The following PCDH15 variants were observed in gnomAD, a reference collection of about 807,000 sequenced individuals.
The protein encoded by PCDH15 is protocadherin related 15.
A neutral mutation model predicts 178.5 loss-of-function variants in PCDH15; 129 were observed. The observed-to-expected ratio is 0.72, with a 90% CI of 0.63 to 0.84. The LOEUF is 0.84. PCDH15 is among the 40% of genes least tolerant of loss of function. The pLI, the probability that PCDH15 is intolerant of heterozygous loss-of-function variation, is 0.00. For synonymous variants in PCDH15, 800 were observed against 732.0 expected (o/e 1.09, Z -1.50); for missense variants, 2,230 against 2,099.9 (o/e 1.06, Z -1.21).
chr10:54,064,061 C>T (rs1349300475), intron 18 of PCDH15, among the ~76,000 whole-genome samples: 5 of 152,146 alleles, frequency 3.3e-5, no homozygotes, highest in East Asian at 1.9e-4. Context: ...GAATGAGGTA[C>T]GCGCACAGCT....
intron 5 of PCDH15, among the ~76,000 whole-genome samples, chr10:54,363,360 T>G (rs1246013811): frequency 2.0e-5 from 3 of 152,166 alleles, no homozygotes; most frequent in African/African-American, 7.2e-5. Context: ...ATTTTAAAAT[T>G]TATTATGTGT....
chr10:55,342,027 A>T (rs1310141744), intron 2 of PCDH15, among the ~76,000 whole-genome samples: 1 of 150,506 alleles, frequency 6.6e-6, no homozygotes, highest in Non-Finnish European at 1.5e-5. Context: ...AACAGATATT[A>T]ACATCAGCCA....
chr10:54,271,681 A>C (rs2058057040), intron 8 of PCDH15, among the ~76,000 whole-genome samples: 1 of 152,160 alleles, frequency 6.6e-6, no homozygotes, highest in African/African-American at 2.4e-5. Flanking sequence ...AGGAAGTATA[A>C]AAGATACAGA....
At chr10:55,094,914 C>A (rs1170894016) in intron 2 of PCDH15, among the ~76,000 whole-genome samples, 1 of 149,168 alleles carries the variant, frequency 6.7e-6, no homozygotes. Flanking sequence ...AAAAAACAAA[C>A]TCTATATCCA....
chr10:54,564,078 C>G (rs1025141897), intron 2 of PCDH15, among the ~76,000 whole-genome samples: 7 of 151,888 alleles, frequency 4.6e-5, no homozygotes, highest in Admixed American at 3.3e-4. Context: ...AAAGAATTAC[C>G]CCCAATTAAA....
intron 3 of PCDH15, among the ~76,000 whole-genome samples, chr10:54,463,799 T>C (rs964321720): frequency 6.6e-6 from 1 of 151,590 alleles, no homozygotes; most frequent in Non-Finnish European, 1.5e-5. Context: ...AAAGCGGTAG[T>C]AGGGCTAGAG....
intron 13 of PCDH15, among the ~76,000 whole-genome samples, chr10:54,176,576 G>A (rs1398965921): frequency 6.6e-6 from 1 of 152,140 alleles, no homozygotes; most frequent in Non-Finnish European, 1.5e-5. Flanking sequence ...GATGTAGCAG[G>A]AGATGAAACA....
chr10:54,041,754 G>T (rs2093552109), intron 18 of PCDH15, among the ~76,000 whole-genome samples: 2 of 152,026 alleles, frequency 1.3e-5, no homozygotes, highest in South Asian at 4.1e-4. Context: ...GTTCAAAAAG[G>T]AAATGACATT....
intron 1 of PCDH15, among the ~76,000 whole-genome samples, chr10:55,174,149 A>G (rs1839416289): frequency 6.6e-6 from 1 of 152,160 alleles, no homozygotes; most frequent in South Asian, 2.1e-4. Flanking sequence ...AAATTGATAA[A>G]TGCTTACTTT....
intron 20 of PCDH15, among the ~76,000 whole-genome samples, chr10:54,016,320 T>C (rs1315920895): frequency 6.6e-6 from 1 of 151,338 alleles, no homozygotes; most frequent in East Asian, 1.9e-4. Context: ...AGTTTGGTGA[T>C]TTCTCAAGGA....
At chr10:55,562,790 T>G (rs1297468225) in intron 2 of PCDH15, among the ~76,000 whole-genome samples, 1 of 152,006 alleles carries the variant, frequency 6.6e-6, no homozygotes, top group Non-Finnish European at 1.5e-5. Context: ...AGTGATGTCA[T>G]TCACGGAAAC....
chr10:54,986,735 G>T (rs1249407215), intron 2 of PCDH15, among the ~76,000 whole-genome samples: 1 of 151,966 alleles, frequency 6.6e-6, no homozygotes, highest in Non-Finnish European at 1.5e-5. Flanking sequence ...ACACATTATT[G>T]TAACTACCGC....
chr10:54,846,584 T>C (rs1402299305), intron 3 of PCDH15, among the ~76,000 whole-genome samples: 2 of 152,190 alleles, frequency 1.3e-5, no homozygotes, highest in Admixed American at 6.5e-5. Context: ...TTTTAACGTA[T>C]GAAAAAAATC....
rs186006782 is a variant in PCDH15 at position 55,602,169 on chromosome 10, G to A, written c.-156+25456C>T. Among the ~76,000 whole-genome samples, 502 of 152,236 alleles carry A rather than the reference G, an allele frequency of 3.3e-3. 5 individuals carry two copies. The highest frequency in any genetic ancestry group is 0.011 in the African/African-American group (472 of 41,552). On this transcript the variant is annotated intron_variant, in intron 2 of 5. Transcript: ENST00000613346. ...CAGGTCACTCCCACCCGAATACTGC[G>A]CTTTTCCAACCGGCGTAAAAAACAG...
At chr10:54,843,760 T>C (rs1366385060) in intron 3 of PCDH15, among the ~76,000 whole-genome samples, 4 of 151,978 alleles carry the variant, frequency 2.6e-5, no homozygotes, top group Non-Finnish European at 5.9e-5. Flanking sequence ...TAAAAAGTAG[T>C]AAAAGTGCTA....
At chr10:54,462,512 CTTTT>C (rs562731025) in intron 3 of PCDH15, among the ~76,000 whole-genome samples, 110 of 66,884 alleles carry the variant, frequency 1.6e-3, no homozygotes, top group African/African-American at 7.7e-3. Flanking sequence ...TTTTTCTTTT[CTTTT>C]TTTTTTTTTT....
At chr10:54,062,605 A>G (rs2094053560) in intron 18 of PCDH15, among the ~76,000 whole-genome samples, 2 of 152,096 alleles carry the variant, frequency 1.3e-5, no homozygotes, top group African/African-American at 2.4e-5. Context: ...ACATCGTTTT[A>G]GTTTTTATGA....
At chr10:54,890,064 C>T (rs915882275) in intron 3 of PCDH15, among the ~76,000 whole-genome samples, 1 of 151,852 alleles carries the variant, frequency 6.6e-6, no homozygotes, top group Non-Finnish European at 1.5e-5. Context: ...GATAAATGTG[C>T]CCTATATTCC....
chr10:55,283,231 T>G (rs1842777945), intron 1 of PCDH15, among the ~76,000 whole-genome samples: 1 of 152,006 alleles, frequency 6.6e-6, no homozygotes, highest in African/African-American at 2.4e-5. Context: ...AATAAGCTGT[T>G]TTATCTGGTC....
Sources: allele counts gnomAD v4.1 joint callset (sites outside exome capture counted in the v4.1 genomes callset), GRCh38; gene constraint gnomAD v4.1.1; transcripts MANE v1.5; gene names NCBI Gene and HGNC (gene_info 2026-07-23, HGNC 2026-07-21).